The following PIK3C2B variants were observed in gnomAD, a reference collection of about 807,000 sequenced individuals.
The protein encoded by PIK3C2B is phosphatidylinositol 4-phosphate 3-kinase C2 domain-containing subunit beta.
A neutral mutation model predicts 184.3 loss-of-function variants in PIK3C2B; 83 were observed. The observed-to-expected ratio is 0.45, with a 90% CI of 0.38 to 0.54. The LOEUF is 0.54. Among genes scored for constraint, PIK3C2B ranks in the 20% least tolerant of loss-of-function variants. The pLI, the probability that PIK3C2B is intolerant of heterozygous loss-of-function variation, is 0.00. For synonymous variants in PIK3C2B, 779 were observed against 837.6 expected, an observed-to-expected ratio of 0.93 and a Z score of 1.21; for missense variants, 1,736 against 2,113.5, an observed-to-expected ratio of 0.82 and a Z score of 3.50.
chr1:204,464,617 A>T lies in PIK3C2B; in HGVS notation c.1035-13T>A, dbSNP rs2103509415. The stretch of plus-strand genomic sequence containing the variant: ...GCCAGATCGAAGGCTGTACAGGAAG[A>T]AAAAAAACCCTCACTGTGCCTTTAG... On this transcript the variant is annotated splice_polypyrimidine_tract_variant and intron_variant, in intron 3 of 32. Transcript: ENST00000684373. The T allele has an allele frequency of 1.2e-6, 2 of 1,608,848 alleles. No homozygotes were observed. Among genetic ancestry groups the T allele is most frequent in the East Asian group, 2.2e-5 (1 of 44,826 alleles).
chr1:204,450,795 G>C (rs1163529587), intron 12 of PIK3C2B, among the ~76,000 whole-genome samples: 2 of 152,194 alleles, frequency 1.3e-5, no homozygotes, highest in African/African-American at 4.8e-5. Flanking sequence ...GGAACTGCTG[G>C]GTGGGGTGAA....
chr1:204,422,944 C>A lies in PIK3C2B; in HGVS notation c.*1908G>T, dbSNP rs1365456948. 6.6e-6 allele frequency: 1 copy of A among 152,284 alleles called. No individual in the cohort carries two copies. The highest frequency in any genetic ancestry group is 1.5e-5 in the Non-Finnish European group (1 of 68,000). The allele number at this position is 152,284 out of a possible 1,614,324, so 9.4% of individuals were successfully genotyped here. ...GCTTCGGTCAATGGAGCTTCTTTCT[C>A]CAGTTATGGAATGAGTCAGCAAAAC... On this transcript the variant is annotated 3_prime_UTR_variant, in exon 33 of 33. Transcript: ENST00000684373.
At chr1:204,446,377 C>G (rs1653865378) in intron 15 of PIK3C2B, among the ~76,000 whole-genome samples, 1 of 152,212 alleles carries the variant, frequency 6.6e-6, no homozygotes, top group Admixed American at 6.5e-5. Context: ...GGAAGCCAGG[C>G]ATCAGTCTAT....
chr1:204,431,400 T>A, intron 28 of PIK3C2B: 4 of 511,020 alleles, frequency 7.8e-6, no homozygotes, highest in Non-Finnish European at 7.1e-6. Flanking sequence ...ATGGTGTAAC[T>A]CTTTAAAAAA....
In PIK3C2B at chr1:204,424,865, T is replaced by C. The variant is rs373230099; in HGVS notation, c.4892A>G (p.His1631Arg). Residue 1631 changes from histidine to arginine, a missense_variant, in exon 33 of 33, where the codon CAT becomes CGT. This residue lies in a region of PIK3C2B where 95 missense variants were observed against 164.2 expected (regional missense o/e 0.58). Transcript: ENST00000684373. ...TGWFALGSRS[H>R]GTL ...GCTCTGCTGGGCTCACAAGGTGCCA[T>C]GACTTCGAGATCCCAGGGCGAACCA... The C allele has an allele frequency of 3.1e-6, 5 of 1,613,862 alleles. No individual in the cohort carries two copies. In the East Asian group the frequency reaches 8.9e-5, roughly 29 times the overall value.
chr1:204,446,225 C>T (rs746125317), intron 15 of PIK3C2B, 81 bp from the exon 16 acceptor site: 5 of 978,102 alleles, frequency 5.1e-6, no homozygotes, highest in Non-Finnish European at 6.0e-6. Flanking sequence ...GGGGTGCAGC[C>T]CTTACCCTCA....
intron 1 of PIK3C2B, among the ~76,000 whole-genome samples, chr1:204,482,215 G>A (rs927195883): frequency 6.6e-5 from 10 of 151,290 alleles, no homozygotes; most frequent in Admixed American, 1.3e-4. Flanking sequence ...CTAGAGTACA[G>A]TCCCCACAAT....
intron 12 of PIK3C2B, among the ~76,000 whole-genome samples, chr1:204,453,877 G>A (rs540989240): frequency 3.3e-5 from 5 of 151,510 alleles, no homozygotes; most frequent in African/African-American, 1.2e-4. Flanking sequence ...GGGTTCAAGC[G>A]ATTCTCCTGC....
At chr1:204,451,419 C>T (rs1257263981) in intron 12 of PIK3C2B, among the ~76,000 whole-genome samples, 1 of 152,176 alleles carries the variant, frequency 6.6e-6, no homozygotes, top group Non-Finnish European at 1.5e-5. Flanking sequence ...TGGTATTCCA[C>T]AACCTCTCCC....
At position 204,464,495 on chromosome 1, in the gene PIK3C2B, C is replaced by T; in HGVS notation, c.1144G>A (p.Val382Met). The T allele has an allele frequency of 6.2e-7, 1 of 1,614,164 alleles. No individual in the cohort carries two copies. The highest frequency in any genetic ancestry group is 2.2e-5 in the East Asian group (1 of 44,888). Residue 382 changes from valine (V) to methionine (M), a missense_variant, in exon 4 of 33, where the codon GTG becomes ATG. Physicochemically the swap from Val to Met is conservative, Grantham distance 21 (BLOSUM62 1). Coordinates refer to ENST00000684373, the MANE Select transcript of PIK3C2B (RefSeq NM_001377334.1). ...GCCTCTTGAAGCCTGTCACACAACA[C>T]AGTCACCTTCAGGTTGACCTCATCC... ...LGDEVNLKVT[V>M]LCDRLQEALT...
chr1:204,454,518 A>G (rs1654657752), intron 12 of PIK3C2B, 151 bp downstream of exon 12: 2 of 656,904 alleles, frequency 3.0e-6, no homozygotes, highest in South Asian at 4.9e-5. Context: ...GGAAGTGGAG[A>G]CTCAAGAGGT....
At position 204,494,756 on chromosome 1, in the gene PIK3C2B, C is replaced by G. The variant is rs1206309729; in HGVS notation, c.-485G>C. On this transcript the variant is annotated 5_prime_UTR_variant, in exon 1 of 33. Transcript: ENST00000684373. Reference sequence around the variant, plus strand: ...CGACGCGACGCTCGGCCAGACCCTGCCTGGACAGGCAGGCACCCGGCCGCC... The same window carrying G: ...CGACGCGACGCTCGGCCAGACCCTGGCTGGACAGGCAGGCACCCGGCCGCC... 1 of 152,290 alleles carries G rather than the reference C, an allele frequency of 6.6e-6. No homozygotes were observed. The highest frequency in any genetic ancestry group is 1.9e-4 in the East Asian group (1 of 5,152). 9.4% of individuals were successfully genotyped at this position (152,290 alleles called of 1,614,324 possible). A position where few individuals can be genotyped will look rare whatever the true frequency, so the allele number is the denominator to read the frequency against.
intron 27 of PIK3C2B, 66 bp downstream of exon 27, chr1:204,432,134 C>A: frequency 6.9e-7 from 1 of 1,454,016 alleles, no homozygotes; most frequent in Non-Finnish European, 9.6e-7. Flanking sequence ...TGGAAAAAGT[C>A]AGGATCCCAG....
chr1:204,483,755 G>A (rs140581242), intron 1 of PIK3C2B, among the ~76,000 whole-genome samples: 1 of 152,176 alleles, frequency 6.6e-6, no homozygotes, highest in Non-Finnish European at 1.5e-5. Context: ...TCCCAAGAGA[G>A]ACAGATGTCC....
At chr1:204,431,387 A>C in intron 28 of PIK3C2B, 1 of 477,644 alleles carries the variant, frequency 2.1e-6, no homozygotes, top group Non-Finnish European at 3.8e-6. Flanking sequence ...ATCCATTTGA[A>C]AAATGGTGTA....
chr1:204,441,338 T>G, intron 21 of PIK3C2B, 133 bp downstream of exon 21: 1 of 586,528 alleles, frequency 1.7e-6, no homozygotes, highest in Non-Finnish European at 3.1e-6. Flanking sequence ...CTTTTTCACC[T>G]GATCATCTTT....
At chr1:204,481,612 A>T (rs1287641184) in intron 1 of PIK3C2B, among the ~76,000 whole-genome samples, 1 of 152,180 alleles carries the variant, frequency 6.6e-6, no homozygotes, top group Non-Finnish European at 1.5e-5. Context: ...AACCCAGAAG[A>T]AAAAGGAAAA....
intron 21 of PIK3C2B, 143 bp from the exon 22 acceptor site, chr1:204,440,464 C>T (rs1010480283): frequency 1.4e-5 from 11 of 785,492 alleles, no homozygotes; most frequent in African/African-American, 9.1e-5. Context: ...ACTCAGCTCA[C>T]ACCAGGTCAA....
intron 26 of PIK3C2B, 57 bp from the exon 27 acceptor site, chr1:204,432,458 G>T: frequency 1.5e-6 from 2 of 1,375,246 alleles, no homozygotes; most frequent in South Asian, 1.2e-5. Flanking sequence ...CTGCTGCCTC[G>T]ACAGGGGTGT....
Sources: allele counts gnomAD v4.1 joint callset (sites outside exome capture counted in the v4.1 genomes callset), GRCh38; gene constraint gnomAD v4.1.1; regional missense constraint gnomAD v4.1.1; transcripts MANE v1.5; gene names NCBI Gene and HGNC (gene_info 2026-07-23, HGNC 2026-07-21).